The following CALML4 variants were observed in gnomAD, a reference collection of about 807,000 sequenced individuals.
The protein encoded by CALML4 is calmodulin like 4.
Under a neutral mutation model 17.9 loss-of-function variants are expected in CALML4, and 16 were observed. That is an observed-to-expected ratio of 0.89 (90% CI 0.61 to 1.36). CALML4 has a LOEUF of 1.36. Among genes scored for constraint, CALML4 ranks in the 40% most tolerant of loss-of-function variants. The pLI is 0.00. For missense variants in CALML4, 203 were observed against 194.8 expected, an observed-to-expected ratio of 1.04 and a Z score of -0.25; for synonymous variants, 86 against 71.5, an observed-to-expected ratio of 1.20 and a Z score of -1.02.
intron 3 of CALML4, 21 bp downstream of exon 3, chr15:68,199,520 G>T (rs550431346): frequency 6.3e-7 from 1 of 1,598,754 alleles, no homozygotes; most frequent in Admixed American, 1.7e-5. Flanking sequence ...CCCTCTCCCC[G>T]TTGTTCCCAC....
intron 2 of CALML4, among the ~76,000 whole-genome samples, chr15:68,203,658 C>A (rs1480947533): frequency 1.3e-5 from 2 of 152,200 alleles, no homozygotes; most frequent in African/African-American, 4.8e-5. Context: ...GGCCCAGCGT[C>A]CAGCATGTAA....
chr15:68,197,474 G>A lies in CALML4; in HGVS notation c.330C>T (p.Leu110=), dbSNP rs2093149149. ...GGGTGAGCTTCTCCCCCAGACTCGTGAGTTTTGACCGCAGGTCGGACGCCA... is the reference window on the plus strand; with the variant it reads ...GGGTGAGCTTCTCCCCCAGACTCGTAAGTTTTGACCGCAGGTCGGACGCCA... The part of the protein sequence containing the change: ...YVMASDLRSK[L]TSLGEKLTHK... Residue 110 remains leucine, a synonymous_variant, in exon 4 of 5, where the codon CTC becomes CTT. Coordinates refer to ENST00000467889, the MANE Select transcript of CALML4 (RefSeq NM_033429.3). The surrounding 1 kb of genome is among the most constrained non-coding windows in gnomAD (Gnocchi z 4.1). The A allele has an allele frequency of 6.2e-7, 1 of 1,614,028 alleles. No individual in the cohort carries two copies. Among genetic ancestry groups the A allele is most frequent in the African/African-American group, 1.3e-5 (1 of 74,924 alleles).
rs757156773 is a variant in CALML4, at chr15:68,194,009, C to G, written c.*6G>C. 1 of 1,608,338 alleles carries G rather than the reference C, an allele frequency of 6.2e-7. No individual in the cohort carries two copies. On this transcript the variant is annotated 3_prime_UTR_variant, in exon 5 of 5. Transcript: ENST00000467889. Reference sequence around the variant, plus strand: ...GGCCCAGGGGAGGCTCTCCCATTCTCCTCCTTCAATAGTCCCGTCCAGGAA... The same window carrying G: ...GGCCCAGGGGAGGCTCTCCCATTCTGCTCCTTCAATAGTCCCGTCCAGGAA...
chr15:68,205,474 C>G, upstream of CALML4: 1 of 1,434,470 alleles, frequency 7.0e-7, no homozygotes, highest in Non-Finnish European at 9.6e-7. The surrounding 1 kb of genome is among the most constrained non-coding windows in gnomAD (Gnocchi z 4.8). Context: ...GGAAATGGGG[C>G]TGCAGAAGGC....
Position 68,197,219 on chromosome 15 carries a change from C to T in CALML4, c.364+221G>A, listed in dbSNP as rs1387211082. Among the ~76,000 whole-genome samples the T allele has an allele frequency of 6.6e-6, 1 of 152,130 alleles. No individual in the cohort carries two copies. The highest frequency in any genetic ancestry group is 1.5e-5 in the Non-Finnish European group (1 of 68,016). On this transcript the variant is annotated intron_variant, in intron 4 of 4. Transcript: ENST00000467889. The surrounding 1 kb of genome is among the most constrained non-coding windows in gnomAD (Gnocchi z 4.1). Reference sequence around the variant, plus strand: ...CCGAGCTGGGTTTCCCCTAGGCTGTCCCTTCACCCTGGCAGACCTCCCTGC... The same window carrying T: ...CCGAGCTGGGTTTCCCCTAGGCTGTTCCTTCACCCTGGCAGACCTCCCTGC...
chr15:68,194,384 CTTTT>C (rs56240648), intron 4 of CALML4, among the ~76,000 whole-genome samples: 3 of 141,058 alleles, frequency 2.1e-5, no homozygotes, highest in East Asian at 2.1e-4. Context: ...CCACCGTGTG[CTTTT>C]TTTTTTTTTT....
intron 2 of CALML4, among the ~76,000 whole-genome samples, chr15:68,202,901 G>A (rs1299994203): frequency 6.5e-5 from 9 of 138,182 alleles, no homozygotes; most frequent in South Asian, 2.5e-4. Flanking sequence ...TGCAACCTCC[G>A]CCTCCTGGGT....
At chr15:68,202,080 G>C (rs2093167041) in intron 2 of CALML4, among the ~76,000 whole-genome samples, 1 of 152,198 alleles carries the variant, frequency 6.6e-6, no homozygotes, top group African/African-American at 2.4e-5. Flanking sequence ...AGGATTAATT[G>C]GGTTAAATGA....
chr15:68,201,162 T>G (rs191137718), intron 2 of CALML4, among the ~76,000 whole-genome samples: 10 of 152,282 alleles, frequency 6.6e-5, no homozygotes. Context: ...GCGGCCTTTG[T>G]GGAGAGACTG....
intron 2 of CALML4, among the ~76,000 whole-genome samples, chr15:68,202,935 C>T (rs1459798248): frequency 6.6e-6 from 1 of 152,024 alleles, no homozygotes; most frequent in East Asian, 1.9e-4. Flanking sequence ...CTGCCTCAGC[C>T]TCCTGAGTAG....
rs537450839 is a variant in CALML4, at chr15:68,191,561, G to A, written c.*2454C>T. 6.5e-6 allele frequency: 1 copy of A among 152,770 alleles called. No individual in the cohort carries two copies. The highest frequency in any genetic ancestry group is 2.4e-5 in the African/African-American group (1 of 41,576). The allele number at this position is 152,770 out of a possible 1,614,324, so 9.5% of individuals were successfully genotyped here. The stretch of plus-strand genomic sequence containing the variant: ...GTGCTTCCAAAGCACCTTTCATCCA[G>A]AGATTTCAAAGCATGACAAGTAACT... On this transcript the variant is annotated 3_prime_UTR_variant, in exon 5 of 5. Transcript: ENST00000467889.
At chr15:68,195,622 C>T (rs1422648236) in intron 4 of CALML4, among the ~76,000 whole-genome samples, 1 of 152,198 alleles carries the variant, frequency 6.6e-6, no homozygotes, top group East Asian at 1.9e-4. Flanking sequence ...CAGCCCATCC[C>T]AGGCCTCAGG....
intron 4 of CALML4, among the ~76,000 whole-genome samples, chr15:68,195,927 C>T (rs903408921): frequency 1.3e-5 from 2 of 152,132 alleles, no homozygotes; most frequent in African/African-American, 4.8e-5. Context: ...GTCTAGAGGG[C>T]CGGGCAGTGT....
Position 68,204,492 on chromosome 15 carries a change from GC to G in CALML4, c.34+628del, listed in dbSNP as rs2093175625. 6.6e-6 allele frequency among the ~76,000 whole-genome samples: 1 copy of G among 152,164 alleles called. No homozygotes were observed. Among genetic ancestry groups the G allele is most frequent in the Admixed American group, 6.5e-5 (1 of 15,284 alleles). The stretch of plus-strand genomic sequence containing the variant: ...GGGCTGCAGCCATGAGGCTCCCCTG[GC>G]TCAGGTCTGGGCCCCCAAGTTCTTT... On this transcript the variant is annotated intron_variant, in intron 2 of 4. Coordinates refer to ENST00000467889, the MANE Select transcript of CALML4 (RefSeq NM_033429.3). This position sits in a 1 kb window ranked among gnomAD's most constrained non-coding sequence, Gnocchi z 6.0.
rs1028482242 is a variant in CALML4, at chr15:68,204,565, C to T, written c.34+556G>A. Reference sequence around the variant, plus strand: ...GGCCTTCTGGAAATAGAACCCTGCACGGTGTGAAACTGAAGCCTGGTCGAG... The same window carrying T: ...GGCCTTCTGGAAATAGAACCCTGCATGGTGTGAAACTGAAGCCTGGTCGAG... On this transcript the variant is annotated intron_variant, in intron 2 of 4. Transcript: ENST00000467889. This position sits in a 1 kb window ranked among gnomAD's most constrained non-coding sequence, Gnocchi z 6.0. 6.6e-6 allele frequency among the ~76,000 whole-genome samples: 1 copy of T among 152,182 alleles called. No individual in the cohort carries two copies. Among genetic ancestry groups the T allele is most frequent in the Admixed American group, 6.5e-5 (1 of 15,284 alleles).
At position 68,197,833 on chromosome 15, in the gene CALML4, T is replaced by C; in HGVS notation, c.176-205A>G. On this transcript the variant is annotated intron_variant, in intron 3 of 4. Coordinates refer to ENST00000467889, the MANE Select transcript of CALML4 (RefSeq NM_033429.3). The surrounding 1 kb of genome is among the most constrained non-coding windows in gnomAD (Gnocchi z 4.1). ...CCTCACTGGACTGGACATTCTTCAT[T>C]TCAGCAACGTCCTCAGTGACGATGC... 1.8e-6 allele frequency: 1 copy of C among 554,890 alleles called. No homozygotes were observed. Among genetic ancestry groups the C allele is most frequent in the Middle Eastern group, 4.8e-4 (1 of 2,080 alleles). 34.4% of individuals were successfully genotyped at this position (554,890 alleles called of 1,614,324 possible).
At chr15:68,195,779 G>A (rs919152186) in intron 4 of CALML4, among the ~76,000 whole-genome samples, 1 of 152,126 alleles carries the variant, frequency 6.6e-6, no homozygotes, top group Non-Finnish European at 1.5e-5. Flanking sequence ...CTGCTTGTCT[G>A]GAACACAGCA....
Position 68,191,155 on chromosome 15 carries a change from G to A in CALML4, c.*2860C>T, listed in dbSNP as rs1281846540. 2.0e-5 allele frequency: 3 copies of A among 152,584 alleles called. No individual in the cohort carries two copies. The allele number at this position is 152,584 out of a possible 1,614,324, so 9.5% of individuals were successfully genotyped here. A position where few individuals can be genotyped will look rare whatever the true frequency, so the allele number is the denominator to read the frequency against. ...CAGAAAGAGAGGGAAAATAGCTGGT[G>A]GTCCCAGAGTGTGCTGCTGTTAATT... On this transcript the variant is annotated 3_prime_UTR_variant, in exon 5 of 5. Transcript: ENST00000467889.
At chr15:68,195,849 C>T (rs2093142198) in intron 4 of CALML4, among the ~76,000 whole-genome samples, 1 of 152,150 alleles carries the variant, frequency 6.6e-6, no homozygotes, top group Non-Finnish European at 1.5e-5. Flanking sequence ...GGGGCCATGG[C>T]ATTGCTTAGG....
Sources: gnomAD v4.1 joint callset for allele counts (sites outside exome capture counted in the v4.1 genomes callset) on GRCh38, gnomAD v4.1.1 for gene constraint, Gnocchi (gnomAD v3.1) non-coding constraint, MANE v1.5 for transcripts, NCBI Gene and HGNC (gene_info 2026-07-23, HGNC 2026-07-21) for gene names.